Variants in RARB observed in about 807,000 individuals in gnomAD.
RARB encodes the protein retinoic acid receptor beta.
In RARB, 17 loss-of-function variants were observed where a neutral mutation model predicts 51.9. That is an observed-to-expected ratio of 0.33 (90% CI 0.22 to 0.49). The LOEUF (loss-of-function observed/expected upper bound fraction) is 0.49. Among genes scored for constraint, RARB ranks in the 20% least tolerant of loss-of-function variants. The probability of loss-of-function intolerance (pLI) is 0.99; values close to 1 mark genes in which losing one functional copy is unlikely to be tolerated. For synonymous variants in RARB, 215 were observed against 195.4 expected (o/e 1.10, Z -0.84); for missense variants, 369 against 550.8 (o/e 0.67, Z 3.30).
At chr3:25,589,834 G>T (rs932909921) in intron 5 of RARB, among the ~76,000 whole-genome samples, 3 of 152,224 alleles carry the variant, frequency 2.0e-5, no homozygotes, top group Non-Finnish European at 4.4e-5. Flanking sequence ...TACCCATCTC[G>T]TGGGGCCTGC....
intron 3 of RARB, among the ~76,000 whole-genome samples, chr3:25,532,939 T>C (rs527255320): frequency 1.2e-4 from 18 of 152,280 alleles, no homozygotes; most frequent in African/African-American, 4.1e-4. Flanking sequence ...GTCCTATGCT[T>C]GCAATTCAGC....
intron 5 of RARB, among the ~76,000 whole-genome samples, chr3:25,219,536 C>A (rs1291724764): frequency 6.6e-6 from 1 of 152,136 alleles, no homozygotes; most frequent in Non-Finnish European, 1.5e-5. Context: ...AAGCAAGGAT[C>A]TAGGGAGAAG....
chr3:25,039,808 A>G (rs1698075988), intron 2 of RARB, among the ~76,000 whole-genome samples: 1 of 152,196 alleles, frequency 6.6e-6, no homozygotes, highest in Non-Finnish European at 1.5e-5. Flanking sequence ...TCTCTTTAAG[A>G]GAGGTGAGGA....
chr3:24,963,416 C>T (rs1484983550), intron 2 of RARB, among the ~76,000 whole-genome samples: 2 of 135,882 alleles, frequency 1.5e-5, no homozygotes, highest in African/African-American at 5.1e-5. Context: ...GGCTTCCCAT[C>T]CTTGTTGTCA....
intron 3 of RARB, among the ~76,000 whole-genome samples, chr3:25,091,326 C>T (rs1357306839): frequency 1.3e-5 from 2 of 152,138 alleles, no homozygotes; most frequent in Non-Finnish European, 1.5e-5. Context: ...CCCAGCCTGT[C>T]AGTGGGATTT....
intron 2 of RARB, among the ~76,000 whole-genome samples, chr3:24,992,064 C>T (rs1410883915): frequency 3.3e-5 from 5 of 152,156 alleles, no homozygotes; most frequent in Non-Finnish European, 7.4e-5. Context: ...CCTTGCAACT[C>T]CAGCAGGGCT....
intron 5 of RARB, among the ~76,000 whole-genome samples, chr3:25,343,713 C>T (rs1229258124): frequency 1.3e-5 from 2 of 152,070 alleles, no homozygotes; most frequent in South Asian, 2.1e-4. Flanking sequence ...TGTTACTCTT[C>T]AAGTCCGTAT....
intron 5 of RARB, among the ~76,000 whole-genome samples, chr3:25,260,869 G>C (rs1272334221): frequency 2.0e-5 from 3 of 152,206 alleles, no homozygotes; most frequent in African/African-American, 7.2e-5. Flanking sequence ...CGTACTCATT[G>C]GCTCACGTAT....
At chr3:24,970,621 C>A (rs1029679243) in intron 2 of RARB, among the ~76,000 whole-genome samples, 1 of 130,870 alleles carries the variant, frequency 7.6e-6, no homozygotes, top group Non-Finnish European at 1.8e-5. Context: ...ACCCCCTCTG[C>A]TACCACCTGT....
chr3:24,956,923 C>A (rs1401300610), intron 2 of RARB, among the ~76,000 whole-genome samples: 1 of 152,226 alleles, frequency 6.6e-6, no homozygotes, highest in Admixed American at 6.5e-5. Context: ...ACAGTTGCAA[C>A]AGCCAGTACA....
At position 25,419,790 on chromosome 3, in the gene RARB, G is replaced by A. The variant is rs560926692; in HGVS notation, c.179-41403G>A. On this transcript the variant is annotated intron_variant, in intron 5 of 11. Transcript: ENST00000383772. ...CAGAGGGAAAGTATTTGATATTTCT[G>A]TCTATTCTTTCCCTTTCTTTACCTC... 3.3e-5 allele frequency among the ~76,000 whole-genome samples: 5 copies of A among 152,256 alleles called. No individual in the cohort carries two copies. The South Asian group carries it at 6.2e-4, about 19-fold the overall frequency.
At chr3:25,150,882 G>C (rs1008251171) in intron 4 of RARB, among the ~76,000 whole-genome samples, 1 of 152,206 alleles carries the variant, frequency 6.6e-6, no homozygotes, top group African/African-American at 2.4e-5. Flanking sequence ...CATGGGAATA[G>C]TAATGTACAA....
intron 4 of RARB, among the ~76,000 whole-genome samples, chr3:25,151,322 A>C (rs1200942362): frequency 6.6e-6 from 1 of 152,230 alleles, no homozygotes; most frequent in Non-Finnish European, 1.5e-5. Context: ...AATGGCAAGA[A>C]CACTTTTTTC....
At chr3:25,189,697 G>T (rs1701052355) in intron 5 of RARB, among the ~76,000 whole-genome samples, 1 of 152,008 alleles carries the variant, frequency 6.6e-6, no homozygotes, top group Admixed American at 6.6e-5. Flanking sequence ...GACCAGCCTG[G>T]CCAACGTGGC....
intron 5 of RARB, among the ~76,000 whole-genome samples, chr3:25,204,965 C>T (rs1438880627): frequency 6.6e-6 from 1 of 152,156 alleles, no homozygotes; most frequent in Non-Finnish European, 1.5e-5. Flanking sequence ...CAGACAGGGA[C>T]ATTTAAGTCT....
chr3:24,984,627 G>A (rs1696748048), intron 2 of RARB, among the ~76,000 whole-genome samples: 1 of 152,070 alleles, frequency 6.6e-6, no homozygotes, highest in Non-Finnish European at 1.5e-5. Context: ...TTCATCAAAG[G>A]GTATGAAGTT....
At chr3:25,321,213 G>A (rs1415450521) in intron 5 of RARB, among the ~76,000 whole-genome samples, 2 of 152,178 alleles carry the variant, frequency 1.3e-5, no homozygotes, top group Non-Finnish European at 2.9e-5. Context: ...CAAGTTATGT[G>A]TGATGCATTC....
rs74768833 is a variant in RARB at position 25,465,922 on chromosome 3, A to G, written c.306+4581A>G. Among the ~76,000 whole-genome samples the G allele has an allele frequency of 6.6e-3, 1,001 of 152,306 alleles. 9 individuals carry two copies. The highest frequency in any genetic ancestry group is 0.023 in the African/African-American group (948 of 41,554). Reference sequence around the variant, plus strand: ...TTAATGCAAAATTTTGGCCTTAATCATATTTTACATTTCAACTTTTGTAGC... The same window carrying G: ...TTAATGCAAAATTTTGGCCTTAATCGTATTTTACATTTCAACTTTTGTAGC... On this transcript the variant is annotated intron_variant, in intron 2 of 7. Coordinates refer to ENST00000330688, the MANE Select transcript of RARB (RefSeq NM_000965.5).
intron 3 of RARB, among the ~76,000 whole-genome samples, chr3:25,124,549 A>G (rs1032649446): frequency 3.3e-5 from 5 of 152,212 alleles, no homozygotes; most frequent in African/African-American, 9.6e-5. Flanking sequence ...TGGGCCTAAT[A>G]GATCGGTAGA....
Sources: allele counts gnomAD v4.1 joint callset (sites outside exome capture counted in the v4.1 genomes callset), GRCh38; gene constraint gnomAD v4.1.1; transcripts MANE v1.5; gene names NCBI Gene and HGNC (gene_info 2026-07-23, HGNC 2026-07-21).